SLCO5A1: variants seen among roughly 807,000 people sequenced by gnomAD.
The protein encoded by SLCO5A1 is solute carrier organic anion transporter family member 5A1.
A neutral mutation model predicts 65.1 loss-of-function variants in SLCO5A1; 39 were observed. That is an observed-to-expected ratio of 0.60 (90% CI 0.46 to 0.78). The LOEUF is 0.78. SLCO5A1 is among the 30% of genes least tolerant of loss of function. SLCO5A1 has a pLI of 0.00. For missense variants in SLCO5A1, 1,029 were observed against 1,069.4 expected, an observed-to-expected ratio of 0.96 and a Z score of 0.53; for synonymous variants, 438 against 415.7, an observed-to-expected ratio of 1.05 and a Z score of -0.65.
At chr8:69,736,979 C>T (rs1348531112) in intron 5 of SLCO5A1, among the ~76,000 whole-genome samples, 1 of 152,122 alleles carries the variant, frequency 6.6e-6, no homozygotes, top group Admixed American at 6.5e-5. Flanking sequence ...GGAAATTTTA[C>T]CTTAATATAG....
chr8:69,741,605 C>G (rs778568856), intron 4 of SLCO5A1, among the ~76,000 whole-genome samples: 11 of 152,160 alleles, frequency 7.2e-5, no homozygotes. Context: ...AATGAAGGAA[C>G]CTGGCAAATA....
intron 3 of SLCO5A1, among the ~76,000 whole-genome samples, chr8:69,756,471 T>C (rs1009268996): frequency 2.6e-5 from 4 of 152,168 alleles, no homozygotes; most frequent in Non-Finnish European, 4.4e-5. Flanking sequence ...TCACCAAGTA[T>C]GAGGGTTACC....
At chr8:69,677,653 C>T (rs2130785371) in intron 8 of SLCO5A1, among the ~76,000 whole-genome samples, 2 of 152,316 alleles carry the variant, frequency 1.3e-5, no homozygotes, top group Middle Eastern at 6.8e-3. Flanking sequence ...GCTGGAAGAA[C>T]TGAGTAAACA....
chr8:69,810,676 G>T (rs1461794309), intron 2 of SLCO5A1, among the ~76,000 whole-genome samples: 1 of 152,132 alleles, frequency 6.6e-6, no homozygotes, highest in Non-Finnish European at 1.5e-5. Context: ...ACTCTGAATG[G>T]AGCATCAATA....
At chr8:69,734,787 A>G (rs912416596) in intron 5 of SLCO5A1, among the ~76,000 whole-genome samples, 5 of 152,218 alleles carry the variant, frequency 3.3e-5, no homozygotes, top group African/African-American at 1.2e-4. Flanking sequence ...GTCAGATGAT[A>G]AATTCTTTTT....
At chr8:69,760,740 G>A (rs1817734000) in intron 3 of SLCO5A1, among the ~76,000 whole-genome samples, 1 of 152,138 alleles carries the variant, frequency 6.6e-6, no homozygotes, top group Admixed American at 6.5e-5. Flanking sequence ...AACTTATCAT[G>A]TTCAAGTTGA....
At chr8:69,736,770 A>G (rs958746672) in intron 5 of SLCO5A1, among the ~76,000 whole-genome samples, 3 of 152,198 alleles carry the variant, frequency 2.0e-5, no homozygotes, top group African/African-American at 7.2e-5. Context: ...CTTCCCACTA[A>G]CACCTTTGAA....
chr8:69,787,415 G>A (rs1819079030), intron 2 of SLCO5A1, among the ~76,000 whole-genome samples: 1 of 152,172 alleles, frequency 6.6e-6, no homozygotes, highest in African/African-American at 2.4e-5. Context: ...ATGCACCATG[G>A]TAATGAATCA....
intron 5 of SLCO5A1, among the ~76,000 whole-genome samples, chr8:69,726,919 A>T (rs570742420): frequency 6.6e-6 from 1 of 152,266 alleles, no homozygotes; most frequent in Admixed American, 6.5e-5. Context: ...TCTGCCTTAG[A>T]TTCCTCTTCC....
Position 69,672,661 on chromosome 8 carries a change from C to A in SLCO5A1, c.*208G>T. The A allele has an allele frequency of 1.7e-6, 1 of 588,308 alleles. No homozygotes were observed. The highest frequency in any genetic ancestry group is 3.0e-6 in the Non-Finnish European group (1 of 338,726). 36.4% of individuals were successfully genotyped at this position (588,308 alleles called of 1,614,324 possible). ...GGGAACAAATCTAGCTGAACGTCTCCTTCTTGGAGAGAAGCGGGGAAAGGC... is the reference window on the plus strand; with the variant it reads ...GGGAACAAATCTAGCTGAACGTCTCATTCTTGGAGAGAAGCGGGGAAAGGC... On this transcript the variant is annotated 3_prime_UTR_variant, in exon 10 of 10. Coordinates refer to ENST00000260126, the MANE Select transcript of SLCO5A1 (RefSeq NM_030958.3).
chr8:69,750,928 A>G (rs989036398), intron 4 of SLCO5A1, among the ~76,000 whole-genome samples: 8 of 152,224 alleles, frequency 5.3e-5, no homozygotes, highest in African/African-American at 1.7e-4. Flanking sequence ...AGTGAATTCA[A>G]TGATGCCAAC....
intron 5 of SLCO5A1, among the ~76,000 whole-genome samples, chr8:69,735,689 A>G (rs144567695): frequency 5.9e-5 from 9 of 151,978 alleles, no homozygotes; most frequent in African/African-American, 2.2e-4. Flanking sequence ...GGAGAAAGAG[A>G]GCATCAGGGA....
intron 5 of SLCO5A1, among the ~76,000 whole-genome samples, chr8:69,719,921 C>T (rs1815740217): frequency 6.6e-6 from 1 of 152,212 alleles, no homozygotes. Context: ...AGCCGGTGTA[C>T]ACATTAAATA....
At position 69,708,560 on chromosome 8, in the gene SLCO5A1, C is replaced by CAA. The variant is rs55950736; in HGVS notation, c.1424-3333_1424-3332dup. Among the ~76,000 whole-genome samples, 7 of 144,514 alleles carry CAA rather than the reference C, an allele frequency of 4.8e-5. No homozygotes were observed. In the South Asian group the frequency reaches 8.7e-4, roughly 18 times the overall value. 94.8% of individuals were successfully genotyped at this position (144,514 alleles called of 152,430 possible). A position where few individuals can be genotyped will look rare whatever the true frequency, so the allele number is the denominator to read the frequency against. On this transcript the variant is annotated intron_variant, in intron 5 of 9. Coordinates refer to ENST00000260126, the MANE Select transcript of SLCO5A1 (RefSeq NM_030958.3). Reference sequence around the variant, plus strand: ...GGGTAACAAGAGCAAGACACTGTTTCAAAAAAAAAAAAAAATTGTAGTTAT... The same window carrying CAA: ...GGGTAACAAGAGCAAGACACTGTTTCAAAAAAAAAAAAAAAAATTGTAGTTAT...
chr8:69,764,778 G>C (rs1036138835), intron 2 of SLCO5A1, among the ~76,000 whole-genome samples: 12 of 152,114 alleles, frequency 7.9e-5, no homozygotes, highest in Non-Finnish European at 1.5e-4. Context: ...ACTGTAATGA[G>C]GCCAAAATGT....
intron 2 of SLCO5A1, among the ~76,000 whole-genome samples, chr8:69,798,860 C>T (rs1056698824): frequency 6.6e-6 from 1 of 152,184 alleles, no homozygotes; most frequent in Non-Finnish European, 1.5e-5. Context: ...TATACATTGG[C>T]CATGGATAAA....
chr8:69,831,320 T>C (rs1482000688), intron 2 of SLCO5A1, among the ~76,000 whole-genome samples: 3 of 151,376 alleles, frequency 2.0e-5, no homozygotes, highest in South Asian at 2.1e-4. Context: ...GCATGATGTA[T>C]GTAGTCTGGC....
At chr8:69,781,846 G>A (rs546577531) in intron 2 of SLCO5A1, among the ~76,000 whole-genome samples, 15 of 151,794 alleles carry the variant, frequency 9.9e-5, no homozygotes, top group Non-Finnish European at 1.8e-4. Context: ...TAGTAGAGAC[G>A]GGGTTTCTCC....
intron 2 of SLCO5A1, among the ~76,000 whole-genome samples, chr8:69,787,601 C>G (rs1305532908): frequency 6.6e-6 from 1 of 152,190 alleles, no homozygotes; most frequent in Non-Finnish European, 1.5e-5. Context: ...ATTCCAAAAT[C>G]AAGCACACTA....
Sources: allele counts gnomAD v4.1 joint callset (sites outside exome capture counted in the v4.1 genomes callset), GRCh38; gene constraint gnomAD v4.1.1; transcripts MANE v1.5; gene names NCBI Gene and HGNC (gene_info 2026-07-23, HGNC 2026-07-21).